Variants in ASIC2 observed in about 807,000 individuals in gnomAD.
The protein encoded by ASIC2 is acid-sensing ion channel 2.
ASIC2 carries 25 observed loss-of-function variants against 57.3 expected under a neutral mutation model. The ratio of observed to expected loss-of-function variants is 0.44; its 90% CI spans 0.32 to 0.61. The LOEUF (loss-of-function observed/expected upper bound fraction) is 0.61, where lower values mean the gene tolerates loss of function less well. Ranked by LOEUF, ASIC2 falls within the 20% of genes least tolerant of loss-of-function variation. The pLI is 0.06. For missense variants in ASIC2, 641 were observed against 738.1 expected, an observed-to-expected ratio of 0.87 and a Z score of 1.52; for synonymous variants, 319 against 307.5, an observed-to-expected ratio of 1.04 and a Z score of -0.39.
intron 1 of ASIC2, among the ~76,000 whole-genome samples, chr17:33,995,505 A>G (rs1906129279): frequency 6.6e-6 from 1 of 152,164 alleles, no homozygotes; most frequent in African/African-American, 2.4e-5. Flanking sequence ...TTTTTAAAAA[A>G]TTGTTCTTAT....
intron 1 of ASIC2, among the ~76,000 whole-genome samples, chr17:33,560,183 A>G (rs1916029667): frequency 6.6e-6 from 1 of 152,238 alleles, no homozygotes; most frequent in South Asian, 2.1e-4. Flanking sequence ...ACATGTGCGC[A>G]GGCAGAGGCA....
chr17:33,233,550 AC>A (rs1278270833), intron 1 of ASIC2, among the ~76,000 whole-genome samples: 1 of 109,224 alleles, frequency 9.2e-6, no homozygotes, highest in African/African-American at 3.2e-5. Flanking sequence ...ACACACACAC[AC>A]ACACACATGG....
chr17:34,026,935 T>C (rs1222181222), intron 1 of ASIC2, among the ~76,000 whole-genome samples: 2 of 152,168 alleles, frequency 1.3e-5, no homozygotes, highest in African/African-American at 4.8e-5. Flanking sequence ...ATTGATTTTT[T>C]CTCATAAAAT....
intron 1 of ASIC2, among the ~76,000 whole-genome samples, chr17:33,145,403 C>T (rs552874057): frequency 6.6e-6 from 1 of 152,368 alleles, no homozygotes; most frequent in Admixed American, 6.5e-5. Flanking sequence ...GCCATAATCT[C>T]TTTAGCAACT....
At chr17:33,754,729 G>C (rs1270508114) in intron 1 of ASIC2, among the ~76,000 whole-genome samples, 1 of 152,016 alleles carries the variant, frequency 6.6e-6, no homozygotes, top group Non-Finnish European at 1.5e-5. Context: ...GGCCGAGGCG[G>C]GCAGATCACG....
At chr17:33,922,896 G>GA (rs1476895083) in intron 1 of ASIC2, among the ~76,000 whole-genome samples, 5 of 152,132 alleles carry the variant, frequency 3.3e-5, no homozygotes, top group African/African-American at 1.2e-4. Flanking sequence ...GCTGGCTGGG[G>GA]ATCTCTTGTC....
At chr17:34,123,691 G>C (rs1190566132) in intron 1 of ASIC2, among the ~76,000 whole-genome samples, 3 of 152,208 alleles carry the variant, frequency 2.0e-5, no homozygotes, top group African/African-American at 7.2e-5. Context: ...CTGTGAAATG[G>C]AACAATGGTC....
intron 1 of ASIC2, among the ~76,000 whole-genome samples, chr17:33,769,151 C>A (rs1197384096): frequency 6.6e-6 from 1 of 152,214 alleles, no homozygotes; most frequent in Non-Finnish European, 1.5e-5. Flanking sequence ...TGCAGCCACC[C>A]CATGTGATGG....
At chr17:33,677,689 C>A (rs1038476698) in intron 1 of ASIC2, among the ~76,000 whole-genome samples, 1 of 152,150 alleles carries the variant, frequency 6.6e-6, no homozygotes, top group Non-Finnish European at 1.5e-5. Context: ...GACAAGAGGA[C>A]TAAGAAGTGG....
At chr17:33,833,109 G>A (rs1913164462) in intron 1 of ASIC2, among the ~76,000 whole-genome samples, 1 of 152,148 alleles carries the variant, frequency 6.6e-6, no homozygotes, top group Admixed American at 6.5e-5. Flanking sequence ...GATCAAATAT[G>A]TTAAAACGGG....
intron 1 of ASIC2, among the ~76,000 whole-genome samples, chr17:33,852,459 G>T (rs1001561774): frequency 2.0e-5 from 3 of 152,126 alleles, no homozygotes; most frequent in Non-Finnish European, 4.4e-5. Context: ...GTGCCTCTGA[G>T]CACCAATTAT....
chr17:33,589,234 G>C (rs184297797), intron 1 of ASIC2, among the ~76,000 whole-genome samples: 1 of 152,316 alleles, frequency 6.6e-6, no homozygotes, highest in African/African-American at 2.4e-5. Context: ...TTAACAGCAC[G>C]AGTACAGTAT....
At chr17:33,663,949 G>A (rs280042) in intron 1 of ASIC2, among the ~76,000 whole-genome samples, 44,581 of 151,976 alleles carry the variant, frequency 0.29, 7,172 homozygotes, top group African/African-American at 0.44. Flanking sequence ...CCTCACCCAG[G>A]GCTGTGTGAA....
intron 1 of ASIC2, among the ~76,000 whole-genome samples, chr17:33,401,068 T>A (rs1196826784): frequency 6.6e-6 from 1 of 152,114 alleles, no homozygotes; most frequent in Non-Finnish European, 1.5e-5. Context: ...GTGAATGACA[T>A]CGCCGTCTCA....
In ASIC2 at chr17:33,200,088, A is replaced by AC. The variant is rs1906797164; in HGVS notation, c.709-88022dup. Among the ~76,000 whole-genome samples the AC allele has an allele frequency of 1.3e-5, 2 of 151,686 alleles. 1 individual carries two copies. The highest frequency in any genetic ancestry group is 1.3e-4 in the Admixed American group (2 of 15,236). On this transcript the variant is annotated intron_variant, in intron 1 of 9. Transcript: ENST00000225823. ...CACTTCTTCCTGAATAGCTCCTTTTACCCTTAGGGGAAGCTGAGGGGTCCT... is the reference window on the plus strand; with the variant it reads ...CACTTCTTCCTGAATAGCTCCTTTTACCCCTTAGGGGAAGCTGAGGGGTCCT...
chr17:33,773,175 A>G (rs994673347), intron 1 of ASIC2, among the ~76,000 whole-genome samples: 1 of 152,158 alleles, frequency 6.6e-6, no homozygotes, highest in African/African-American at 2.4e-5. Flanking sequence ...CTGCATAGGG[A>G]TTGAAAATCT....
intron 2 of ASIC2, among the ~76,000 whole-genome samples, chr17:33,103,288 C>G (rs139728032): frequency 1.2e-3 from 185 of 152,216 alleles, no homozygotes; most frequent in African/African-American, 4.1e-3. Flanking sequence ...CTTTTCTAAG[C>G]ACTTCATAAA....
At chr17:33,631,424 G>C (rs192558935) in intron 1 of ASIC2, among the ~76,000 whole-genome samples, 1 of 151,860 alleles carries the variant, frequency 6.6e-6, no homozygotes, top group Admixed American at 6.6e-5. Flanking sequence ...AATGTAAATG[G>C]AGGGACTGCA....
Position 33,881,885 on chromosome 17 carries a change from C to T in ASIC2, c.555+274093G>A, listed in dbSNP as rs866955799. 2.1e-4 allele frequency among the ~76,000 whole-genome samples: 32 copies of T among 152,334 alleles called. 1 individual carries two copies. Among genetic ancestry groups the T allele is most frequent in the Non-Finnish European group, 2.9e-5 (2 of 68,038 alleles). On this transcript the variant is annotated intron_variant, in intron 1 of 9. Transcript: ENST00000359872. ...TACTGCAAGGCTACAGTAACCAACA[C>T]AGCAAGGTACTGGTACCAAAACAGA...
Sources: gnomAD v4.1 joint callset for allele counts (sites outside exome capture counted in the v4.1 genomes callset) on GRCh38, gnomAD v4.1.1 for gene constraint, MANE v1.5 for transcripts, NCBI Gene and HGNC (gene_info 2026-07-23, HGNC 2026-07-21) for gene names.